Variants in MARCHF8 observed in about 807,000 individuals in gnomAD.
The protein encoded by MARCHF8 is E3 ubiquitin-protein ligase MARCHF8.
MARCHF8 carries 40 observed loss-of-function variants against 51.6 expected under a neutral mutation model. The observed-to-expected ratio is 0.77, with a 90% CI of 0.60 to 1.01. MARCHF8 has a LOEUF of 1.01. MARCHF8 is among the 50% of genes least tolerant of loss of function. The pLI, the probability that MARCHF8 is intolerant of heterozygous loss-of-function variation, is 0.00. For synonymous variants in MARCHF8, 263 were observed against 280.3 expected (o/e 0.94, Z 0.62); for missense variants, 685 against 708.6 (o/e 0.97, Z 0.38).
chr10:45,471,607 G>A (rs1308236196), intron 3 of MARCHF8, among the ~76,000 whole-genome samples: 1 of 152,156 alleles, frequency 6.6e-6, no homozygotes, highest in Non-Finnish European at 1.5e-5. Context: ...TCATTGCCAA[G>A]AGGCAATAAA....
At chr10:45,479,912 T>C (rs1395804774) in intron 3 of MARCHF8, among the ~76,000 whole-genome samples, 1 of 152,144 alleles carries the variant, frequency 6.6e-6, no homozygotes, top group Non-Finnish European at 1.5e-5. Context: ...GCTGGAATGG[T>C]CTGGAGGGCT....
intron 2 of MARCHF8, among the ~76,000 whole-genome samples, chr10:45,507,587 C>A (rs2043409292): frequency 6.6e-6 from 1 of 151,986 alleles, no homozygotes; most frequent in African/African-American, 2.4e-5. Context: ...TATGCATTAC[C>A]CAGAGGAGGG....
chr10:45,463,956 C>T lies in MARCHF8; in HGVS notation c.283G>A (p.Val95Met), dbSNP rs1018484312. ...VFSECCHHSS[V>M]QSAVVSKAPH... is the part of the protein sequence containing the mutation. Reference sequence around the variant, plus strand: ...GCTTTCGAGACAACAGCAGACTGCACGGAACTGTGGTGACAACACTCAGAA... The same window carrying T: ...GCTTTCGAGACAACAGCAGACTGCATGGAACTGTGGTGACAACACTCAGAA... The change falls in exon 5 of 8, where the codon GTG (valine) becomes ATG (methionine). Residue 95 changes from valine (V) to methionine (M), a missense_variant. By Grantham distance (21) the Val-to-Met change is conservative (BLOSUM62 1). Transcript: ENST00000453424. 18 of 1,535,942 alleles carry T rather than the reference C, an allele frequency of 1.2e-5. No homozygotes were observed. The highest frequency in any genetic ancestry group is 1.7e-4 in the Middle Eastern group (1 of 6,012).
At chr10:45,551,943 T>A (rs2044200399) in intron 1 of MARCHF8, among the ~76,000 whole-genome samples, 1 of 152,158 alleles carries the variant, frequency 6.6e-6, no homozygotes, top group African/African-American at 2.4e-5. Context: ...AGATCATTCC[T>A]TGCAGGGTAC....
At chr10:45,460,718 T>C (rs762934223) in intron 6 of MARCHF8, among the ~76,000 whole-genome samples, 8 of 152,234 alleles carry the variant, frequency 5.3e-5, no homozygotes, top group Non-Finnish European at 8.8e-5. Flanking sequence ...GTGGGTCCTT[T>C]CTGAAGACAG....
intron 7 of MARCHF8, among the ~76,000 whole-genome samples, chr10:45,458,766 C>A (rs921098987): frequency 1.3e-5 from 2 of 152,146 alleles, no homozygotes; most frequent in Admixed American, 1.3e-4. Flanking sequence ...ATCCTCCATC[C>A]CTCAGCCTCA....
At chr10:45,514,120 T>C (rs2043580439) in intron 2 of MARCHF8, among the ~76,000 whole-genome samples, 4 of 152,260 alleles carry the variant, frequency 2.6e-5, no homozygotes, top group African/African-American at 4.8e-5. Context: ...GGCTTAAGAA[T>C]ACTTTTCGCA....
rs984371163 is a variant in MARCHF8 at position 45,463,283 on chromosome 10, G to A, written c.956C>T (p.Ala319Val). ...CCGCAGAACCCTACTCTTCAGTTTTGCAGATGTGCTGTCCTCAAAGACATC... is the reference window on the plus strand; with the variant it reads ...CCGCAGAACCCTACTCTTCAGTTTTACAGATGTGCTGTCCTCAAAGACATC... ...DDDVFEDSTS[A>V]KLKSRVLRAP... is the part of the protein sequence containing the mutation. Residue 319 changes from alanine (A) to valine (V), a missense_variant, in exon 5 of 8, where the codon GCA becomes GTA. Coordinates refer to ENST00000453424, the MANE Select transcript of MARCHF8 (RefSeq NM_001282866.2). 4.9e-5 allele frequency: 76 copies of A among 1,550,890 alleles called. No homozygotes were observed. The highest frequency in any genetic ancestry group is 6.3e-5 in the Non-Finnish European group (72 of 1,147,084).
chr10:45,565,951 T>G (rs1470064613), intron 1 of MARCHF8, among the ~76,000 whole-genome samples: 1 of 152,234 alleles, frequency 6.6e-6, no homozygotes, highest in Non-Finnish European at 1.5e-5. Context: ...ACTACAATTC[T>G]TGTCTGAGTG....
intron 2 of MARCHF8, among the ~76,000 whole-genome samples, chr10:45,515,415 C>A (rs1223676154): frequency 1.3e-5 from 2 of 152,206 alleles, no homozygotes; most frequent in African/African-American, 2.4e-5. Flanking sequence ...GTATTCTGTT[C>A]CTCGCTGCTT....
At chr10:45,585,857 A>T (rs1183227595) in intron 1 of MARCHF8, among the ~76,000 whole-genome samples, 1 of 152,196 alleles carries the variant, frequency 6.6e-6, no homozygotes, top group Non-Finnish European at 1.5e-5. Flanking sequence ...CAAATGATAT[A>T]AAGAGTCCAA....
intron 2 of MARCHF8, among the ~76,000 whole-genome samples, chr10:45,500,719 G>A (rs1429333758): frequency 6.6e-6 from 1 of 151,960 alleles, no homozygotes; most frequent in Non-Finnish European, 1.5e-5. Context: ...CAGAATGAAA[G>A]ACATAAAAAT....
chr10:45,458,672 G>A (rs1330043680), intron 7 of MARCHF8, 129 bp from the exon 8 acceptor site: 3 of 1,015,818 alleles, frequency 3.0e-6, no homozygotes, highest in Non-Finnish European at 4.2e-6. Context: ...ATGGAGTCTT[G>A]CTATGTTGCC....
chr10:45,457,341 A>C lies in MARCHF8; in HGVS notation c.*898T>G, dbSNP rs1842634512. On this transcript the variant is annotated 3_prime_UTR_variant, in exon 8 of 8. Coordinates refer to ENST00000453424, the MANE Select transcript of MARCHF8 (RefSeq NM_001282866.2). ...AATGTATGGGCCAGGTCTACAAAGT[A>C]ACACCTTGTCATAAAACAGGCTCAA... The C allele has an allele frequency of 6.6e-6, 1 of 152,252 alleles. No individual in the cohort carries two copies. Among genetic ancestry groups the C allele is most frequent in the African/African-American group, 2.4e-5 (1 of 41,474 alleles). 9.4% of individuals were successfully genotyped at this position (152,252 alleles called of 1,614,324 possible).
intron 1 of MARCHF8, among the ~76,000 whole-genome samples, chr10:45,565,318 C>T (rs1202244651): frequency 2.0e-5 from 3 of 151,984 alleles, no homozygotes; most frequent in Non-Finnish European, 4.4e-5. Context: ...GTAGTCCCAG[C>T]TACTTAGGAA....
chr10:45,462,676 A>T (rs1842828173), intron 5 of MARCHF8, among the ~76,000 whole-genome samples: 2 of 148,616 alleles, frequency 1.3e-5, no homozygotes, highest in Non-Finnish European at 3.0e-5. Flanking sequence ...CCCAGGCTGG[A>T]GTGCAATGGC....
intron 1 of MARCHF8, among the ~76,000 whole-genome samples, chr10:45,592,169 A>C (rs1228939675): frequency 1.3e-5 from 2 of 152,254 alleles, no homozygotes; most frequent in East Asian, 3.8e-4. Context: ...CAAGTGAGTT[A>C]AGAAATTGGT....
chr10:45,504,650 T>C (rs2043347598), intron 2 of MARCHF8, among the ~76,000 whole-genome samples: 2 of 152,198 alleles, frequency 1.3e-5, no homozygotes, highest in Admixed American at 6.5e-5. Context: ...CAAAACACCA[T>C]ACAGTATGAA....
chr10:45,506,878 G>A (rs1937573318), intron 2 of MARCHF8, among the ~76,000 whole-genome samples: 1 of 152,182 alleles, frequency 6.6e-6, no homozygotes, highest in African/African-American at 2.4e-5. Context: ...ATGTATACAT[G>A]CAGGCTTGGG....
Sources: allele counts gnomAD v4.1 joint callset (sites outside exome capture counted in the v4.1 genomes callset), GRCh38; gene constraint gnomAD v4.1.1; transcripts MANE v1.5; gene names NCBI Gene and HGNC (gene_info 2026-07-23, HGNC 2026-07-21).